Variants in DACH2 observed in about 807,000 individuals in gnomAD.
The protein encoded by DACH2 is dachshund family transcription factor 2.
A neutral mutation model predicts 35.8 loss-of-function variants in DACH2; 17 were observed. The observed-to-expected ratio is 0.48, with a 90% CI of 0.33 to 0.71. The LOEUF (loss-of-function observed/expected upper bound fraction) is 0.71, where lower values mean the gene tolerates loss of function less well. Ranked by LOEUF, DACH2 falls within the 30% of genes least tolerant of loss-of-function variation. The pLI, the probability that DACH2 is intolerant of heterozygous loss-of-function variation, is 0.02. For synonymous variants in DACH2, 195 were observed against 177.3 expected (o/e 1.10, Z -0.79); for missense variants, 469 against 472.7 (o/e 0.99, Z 0.07).
At chrX:86,419,806 A>G (rs1045048648) in intron 2 of DACH2, among the ~76,000 whole-genome samples, 1 of 111,792 alleles carries the variant, frequency 8.9e-6, no homozygotes, top group Admixed American at 9.5e-5. Flanking sequence ...AATTGAGGTG[A>G]GGATGCCATA....
chrX:86,292,591 C>T (rs1471549069), intron 1 of DACH2, among the ~76,000 whole-genome samples: 4 of 110,783 alleles, frequency 3.6e-5, no homozygotes, highest in East Asian at 2.8e-4. Context: ...CTACACACTG[C>T]TTTGAATGCG....
At chrX:86,398,963 CT>C (rs1280553467) in intron 2 of DACH2, among the ~76,000 whole-genome samples, 1 of 111,534 alleles carries the variant, frequency 9.0e-6, no homozygotes, top group Non-Finnish European at 1.9e-5. Flanking sequence ...TCTCATTGAT[CT>C]GTCTAATGTT....
At chrX:86,350,103 G>C (rs2035568415) in intron 1 of DACH2, among the ~76,000 whole-genome samples, 1 of 112,157 alleles carries the variant, frequency 8.9e-6, no homozygotes, top group Admixed American at 9.4e-5. Context: ...GGGAGGCGGA[G>C]GTTGCAGTGA....
chrX:86,568,637 A>T (rs1306709545), intron 3 of DACH2, among the ~76,000 whole-genome samples: 1 of 111,276 alleles, frequency 9.0e-6, no homozygotes, highest in Admixed American at 9.6e-5. Flanking sequence ...TATAGATTAT[A>T]TGGATGAAAA....
intron 6 of DACH2, among the ~76,000 whole-genome samples, chrX:86,728,982 G>T (rs964026986): frequency 2.7e-5 from 3 of 112,523 alleles, no homozygotes; most frequent in Non-Finnish European, 5.6e-5. Context: ...CCCCACTGGG[G>T]CACTGCCTAG....
chrX:86,471,443 G>A (rs927178701), intron 2 of DACH2, among the ~76,000 whole-genome samples: 6 of 111,375 alleles, frequency 5.4e-5, no homozygotes, highest in African/African-American at 2.0e-4. Flanking sequence ...AAATTCTGCT[G>A]TGCTTTTTCA....
rs2039470015 is a variant in DACH2 at position 86,579,040 on chromosome X, G to A, written c.640+64649G>A. Among the ~76,000 whole-genome samples the A allele has an allele frequency of 2.7e-5, 3 of 110,420 alleles. No homozygotes were observed. In the Admixed American group the frequency reaches 2.9e-4, roughly 11 times the overall value. On this transcript the variant is annotated intron_variant, in intron 3 of 11. Transcript: ENST00000373125. Reference sequence around the variant, plus strand: ...ATTTTCTATGTGCTTATTTTTATCTGCATATATTATTTGGTGCAGTATGAG... The same window carrying A: ...ATTTTCTATGTGCTTATTTTTATCTACATATATTATTTGGTGCAGTATGAG...
At chrX:86,692,934 A>T (rs772393918) in intron 4 of DACH2, among the ~76,000 whole-genome samples, 1 of 112,095 alleles carries the variant, frequency 8.9e-6, no homozygotes. Context: ...ATAGTTTATT[A>T]AAATACTCCC....
At chrX:86,373,905 C>G (rs953773517) in intron 1 of DACH2, among the ~76,000 whole-genome samples, 1 of 111,218 alleles carries the variant, frequency 9.0e-6, no homozygotes, top group Non-Finnish European at 1.9e-5. Flanking sequence ...TTGTTTGAAG[C>G]ATCGGTTAAA....
intron 1 of DACH2, among the ~76,000 whole-genome samples, chrX:86,360,388 G>T (rs765288559): frequency 9.9e-5 from 11 of 110,566 alleles, no homozygotes; most frequent in Non-Finnish European, 2.1e-4. Flanking sequence ...GGAACTTGAG[G>T]GTAACATATA....
chrX:86,254,807 T>TATATAGAGAGAGAGAGAGAG (rs1380613474), intron 1 of DACH2, among the ~76,000 whole-genome samples: 1 of 49,660 alleles, frequency 2.0e-5, no homozygotes, highest in African/African-American at 1.2e-4. Flanking sequence ...TATATATATA[T>TATATAGAGAGAGAGAGAGAG]AGAGAGAGAG....
chrX:86,542,670 G>A (rs775713015), intron 3 of DACH2, among the ~76,000 whole-genome samples: 2 of 111,669 alleles, frequency 1.8e-5, no homozygotes, highest in South Asian at 7.5e-4. Context: ...TAAGACACAA[G>A]GTATCAGATT....
At chrX:86,769,863 AC>A (rs765597228) in intron 7 of DACH2, among the ~76,000 whole-genome samples, 7 of 110,187 alleles carry the variant, frequency 6.4e-5, no homozygotes, top group Admixed American at 9.8e-5. Flanking sequence ...TATCAATGGT[AC>A]AAAAGTGCAA....
rs774988785 is a variant in DACH2, at chrX:86,546,404, C to CTTCTTCTTCTTCTTCTTCTTCCTT, written c.640+32013_640+32014insTTCTTCTTCTTCTTCTTCTTCCTT. Among the ~76,000 whole-genome samples, 31 of 21,665 alleles carry CTTCTTCTTCTTCTTCTTCTTCCTT rather than the reference C, an allele frequency of 1.4e-3. 1 individual carries two copies. Among genetic ancestry groups the CTTCTTCTTCTTCTTCTTCTTCCTT allele is most frequent in the African/African-American group, 3.8e-3 (31 of 8,112 alleles). The allele number at this position is 21,665 out of a possible 115,157, so 18.8% of individuals were successfully genotyped here. ...TCTTCTTCTTCTTCTTCTTCTTCTT[C>CTTCTTCTTCTTCTTCTTCTTCCTT]CTTCTTCTTCTTCTTTCTTCTTCTT... On this transcript the variant is annotated intron_variant, in intron 3 of 11. Coordinates refer to ENST00000373125, the MANE Select transcript of DACH2 (RefSeq NM_053281.3).
chrX:86,254,737 C>G (rs1602326711), intron 1 of DACH2, among the ~76,000 whole-genome samples: 1 of 82,000 alleles, frequency 1.2e-5, no homozygotes. Context: ...GCAAATGGAC[C>G]TAGGATATCA....
intron 3 of DACH2, among the ~76,000 whole-genome samples, chrX:86,645,542 A>G (rs2040405091): frequency 9.0e-6 from 1 of 110,858 alleles, no homozygotes; most frequent in Non-Finnish European, 1.9e-5. Context: ...CAGCAATGCT[A>G]TTACTGGGTA....
intron 1 of DACH2, among the ~76,000 whole-genome samples, chrX:86,298,408 G>A (rs915949212): frequency 8.9e-6 from 1 of 111,761 alleles, no homozygotes; most frequent in Non-Finnish European, 1.9e-5. Flanking sequence ...GTAGTTAATA[G>A]AGGCTTACAA....
chrX:86,175,577 T>C (rs2031275254), intron 1 of DACH2, among the ~76,000 whole-genome samples: 1 of 111,765 alleles, frequency 8.9e-6, no homozygotes, highest in Non-Finnish European at 1.9e-5. Context: ...CATAACAGCA[T>C]ATGCTATTAG....
chrX:86,641,649 C>T (rs2040348306), intron 3 of DACH2, among the ~76,000 whole-genome samples: 1 of 111,635 alleles, frequency 9.0e-6, no homozygotes, highest in Admixed American at 9.5e-5. Flanking sequence ...AGACACATAA[C>T]CATCTGATTT....
Sources: allele counts gnomAD v4.1 joint callset (sites outside exome capture counted in the v4.1 genomes callset), GRCh38; gene constraint gnomAD v4.1.1; transcripts MANE v1.5; gene names NCBI Gene and HGNC (gene_info 2026-07-23, HGNC 2026-07-21).